ATG10: variants seen among roughly 807,000 people sequenced by gnomAD.
ATG10 encodes autophagy related 10.
A neutral mutation model predicts 32.1 loss-of-function variants in ATG10; 30 were observed. The observed-to-expected ratio is 0.94, with a 90% CI of 0.70 to 1.27. The LOEUF (loss-of-function observed/expected upper bound fraction) is 1.27, where lower values mean the gene tolerates loss of function less well. ATG10 is among the 50% of genes most tolerant of loss of function. The probability of loss-of-function intolerance (pLI) is 0.00; values close to 1 mark genes in which losing one functional copy is unlikely to be tolerated. For missense variants in ATG10, 233 were observed against 262.3 expected, an observed-to-expected ratio of 0.89 and a Z score of 0.77; for synonymous variants, 87 against 91.5, an observed-to-expected ratio of 0.95 and a Z score of 0.28.
intron 4 of ATG10, among the ~76,000 whole-genome samples, chr5:82,171,444 A>G (rs973450456): frequency 1.3e-5 from 2 of 152,226 alleles, no homozygotes; most frequent in African/African-American, 4.8e-5. Flanking sequence ...TATTTGTGCT[A>G]TATTAGATGT....
chr5:81,995,969 AT>A (rs1301168290), intron 2 of ATG10, among the ~76,000 whole-genome samples: 1 of 152,180 alleles, frequency 6.6e-6, no homozygotes, highest in African/African-American at 2.4e-5. Context: ...ATAAATGGAG[AT>A]TTTGATGCAG....
At chr5:82,135,807 T>C (rs550633783) in intron 3 of ATG10, among the ~76,000 whole-genome samples, 1 of 152,280 alleles carries the variant, frequency 6.6e-6, no homozygotes, top group East Asian at 1.9e-4. Flanking sequence ...CTTTCTAATA[T>C]TGACAGTGGG....
intron 2 of ATG10, among the ~76,000 whole-genome samples, chr5:82,028,342 C>G (rs1762649958): frequency 6.6e-6 from 1 of 151,928 alleles, no homozygotes. Flanking sequence ...AAAGAAGTAC[C>G]AAAACAAATT....
intron 5 of ATG10, among the ~76,000 whole-genome samples, chr5:82,229,929 G>A (rs757719891): frequency 3.9e-5 from 6 of 152,170 alleles, no homozygotes; most frequent in African/African-American, 7.2e-5. Context: ...AGGCCTGTTC[G>A]TATACAGATT....
In ATG10 at chr5:81,987,643, C is replaced by T. The variant is rs1370960822; in HGVS notation, c.73C>T (p.Gln25Ter). 1.2e-6 allele frequency: 2 copies of T among 1,612,286 alleles called. No individual in the cohort carries two copies. Among genetic ancestry groups the T allele is most frequent in the African/African-American group, 2.7e-5 (2 of 74,868 alleles). The stretch of plus-strand genomic sequence containing the variant: ...TGCAGAATTCATTAAACATTCACAA[C>T]AGATAGGTGATAGTTGGGAATGGAG... Reference protein sequence around the residue: ...YCAEFIKHSQQIGDSWEWRPS... With the variant: ...YCAEFIKHSQ Residue 25 changes from glutamine to a stop codon, truncating the protein, a stop_gained, in exon 2 of 8, where the codon CAG becomes TAG. Transcript: ENST00000282185. LOFTEE classifies it high-confidence loss of function.
chr5:81,987,495 A>G (rs571092201), intron 1 of ATG10, 64 bp from the exon 2 acceptor site: 82 of 1,210,288 alleles, frequency 6.8e-5, no homozygotes, highest in African/African-American at 5.6e-4. Flanking sequence ...AAATAAATCA[A>G]TTGGCAGAAT....
chr5:82,128,581 A>G (rs965399650), intron 3 of ATG10, among the ~76,000 whole-genome samples: 3 of 151,558 alleles, frequency 2.0e-5, no homozygotes, highest in African/African-American at 7.3e-5. Context: ...TTCTGGGTTG[A>G]AAATTCTTTT....
intron 3 of ATG10, among the ~76,000 whole-genome samples, chr5:82,158,415 G>T (rs1333086215): frequency 6.8e-6 from 1 of 147,312 alleles, no homozygotes; most frequent in African/African-American, 2.5e-5. Flanking sequence ...CAAAACTGTA[G>T]TTAGGACTAT....
At chr5:82,191,482 T>C (rs985518829) in intron 5 of ATG10, among the ~76,000 whole-genome samples, 1 of 152,196 alleles carries the variant, frequency 6.6e-6, no homozygotes, top group Non-Finnish European at 1.5e-5. Context: ...ACTTCACACA[T>C]ATTCTTTCAC....
At position 82,164,413 on chromosome 5, in the gene ATG10, A is replaced by G; in HGVS notation, c.231A>G (p.Leu77=). 1 of 1,613,736 alleles carries G rather than the reference A, an allele frequency of 6.2e-7. No homozygotes were observed. Among genetic ancestry groups the G allele is most frequent in the Non-Finnish European group, 8.5e-7 (1 of 1,179,924 alleles). Residue 77 remains leucine (L), a synonymous_variant, in exon 4 of 8, where the codon CTA becomes CTG. Coordinates refer to ENST00000282185, the MANE Select transcript of ATG10 (RefSeq NM_031482.5). ...CTTTTTTTTAGGAGGCTTTCGAGCT[A>G]CCCTTGGATGATTGTGAAGTGATTG... The part of the protein sequence containing the change: ...TCLPMEEAFE[L]PLDDCEVIET...
intron 1 of ATG10, among the ~76,000 whole-genome samples, chr5:81,980,082 T>G (rs1382264804): frequency 6.6e-6 from 1 of 152,188 alleles, no homozygotes; most frequent in Non-Finnish European, 1.5e-5. Flanking sequence ...TCTGTTGCCT[T>G]GAATGTAGAA....
intron 5 of ATG10, among the ~76,000 whole-genome samples, chr5:82,192,164 G>A (rs1459550419): frequency 1.3e-5 from 2 of 152,216 alleles, no homozygotes; most frequent in African/African-American, 2.4e-5. Flanking sequence ...GTTGTAGCAG[G>A]TGTGCTGTGG....
At chr5:82,180,735 A>G (rs1448693335) in intron 5 of ATG10, among the ~76,000 whole-genome samples, 1 of 151,880 alleles carries the variant, frequency 6.6e-6, no homozygotes, top group Non-Finnish European at 1.5e-5. Context: ...CCATTTATCA[A>G]CTCTTTCTCA....
At chr5:81,997,849 A>T (rs1401097403) in intron 2 of ATG10, among the ~76,000 whole-genome samples, 1 of 152,222 alleles carries the variant, frequency 6.6e-6, no homozygotes, top group Non-Finnish European at 1.5e-5. Context: ...AAACAAAAAT[A>T]AAGAAGAATG....
intron 3 of ATG10, among the ~76,000 whole-genome samples, chr5:82,112,989 A>G (rs145105590): frequency 6.6e-6 from 1 of 152,054 alleles, no homozygotes; most frequent in Non-Finnish European, 1.5e-5. Context: ...AGTGTCTTTA[A>G]AAGTATTTTT....
chr5:82,189,951 G>A (rs1378928831), intron 5 of ATG10, among the ~76,000 whole-genome samples: 3 of 152,068 alleles, frequency 2.0e-5, no homozygotes, highest in African/African-American at 7.2e-5. Context: ...ACTTTAGACT[G>A]GATACTTGCT....
At position 82,238,321 on chromosome 5, in the gene ATG10, C is replaced by T. The variant is rs896798633; in HGVS notation, c.454-14241C>T. On this transcript the variant is annotated intron_variant, in intron 5 of 7. Coordinates refer to ENST00000282185, the MANE Select transcript of ATG10 (RefSeq NM_031482.5). ...ATCTTTCTTCGCAGCTTTTCCTGGT[C>T]GCAGTCCTATTACCACGCCCCACCC... 2.6e-5 allele frequency among the ~76,000 whole-genome samples: 4 copies of T among 152,134 alleles called. No individual in the cohort carries two copies. In the East Asian group the frequency reaches 5.8e-4, roughly 22 times the overall value.
At chr5:81,996,447 C>T (rs1298059415) in intron 2 of ATG10, among the ~76,000 whole-genome samples, 2 of 152,058 alleles carry the variant, frequency 1.3e-5, no homozygotes, top group African/African-American at 2.4e-5. Flanking sequence ...ACTATGTTGC[C>T]CAGGCTGGTC....
rs556184819 is a variant in ATG10 at position 82,131,674 on chromosome 5, T to C, written c.217-32725T>C. On this transcript the variant is annotated intron_variant, in intron 3 of 7. Transcript: ENST00000282185. ...TTTTTTTGATCACTTTCTAGCCCTG[T>C]GATCTAGGGTGAGATTGTCTGCCCT... 1.1e-3 allele frequency among the ~76,000 whole-genome samples: 174 copies of C among 151,898 alleles called. 2 individuals carry two copies. Among genetic ancestry groups the C allele is most frequent in the Admixed American group, 2.3e-3 (35 of 15,252 alleles).
Sources: gnomAD v4.1 joint callset for allele counts (sites outside exome capture counted in the v4.1 genomes callset) on GRCh38, gnomAD v4.1.1 for gene constraint, MANE v1.5 for transcripts, NCBI Gene and HGNC (gene_info 2026-07-23, HGNC 2026-07-21) for gene names.